Variants in RAB3C observed in about 807,000 individuals in gnomAD.
The protein encoded by RAB3C is RAB3C, member RAS oncogene family, also known as ras-related protein Rab-3C.
In RAB3C, 17 loss-of-function variants were observed where a neutral mutation model predicts 26.4. The observed-to-expected ratio is 0.64, with a 90% CI of 0.44 to 0.97. The LOEUF is 0.97. Ranked by LOEUF, RAB3C falls within the 50% of genes least tolerant of loss-of-function variation. RAB3C has a pLI of 0.00. For missense variants in RAB3C, 242 were observed against 281.9 expected (o/e 0.86, Z 1.01); for synonymous variants, 91 against 95.9 (o/e 0.95, Z 0.30).
intron 1 of RAB3C, among the ~76,000 whole-genome samples, chr5:58,603,011 A>G (rs919264683): frequency 3.9e-5 from 6 of 152,156 alleles, no homozygotes; most frequent in Non-Finnish European, 8.8e-5. Flanking sequence ...TGGCTTGGTA[A>G]CGGTGAATTC....
intron 3 of RAB3C, among the ~76,000 whole-genome samples, chr5:58,749,036 C>A (rs1426073949): frequency 6.6e-6 from 1 of 152,028 alleles, no homozygotes; most frequent in Non-Finnish European, 1.5e-5. Flanking sequence ...TAGAATCACC[C>A]CTGAAAAGAG....
intron 3 of RAB3C, among the ~76,000 whole-genome samples, chr5:58,812,853 T>C (rs559771776): frequency 6.6e-6 from 1 of 152,322 alleles, no homozygotes; most frequent in South Asian, 2.1e-4. Context: ...TGAAAACTCT[T>C]CCATGAACAT....
intron 1 of RAB3C, among the ~76,000 whole-genome samples, chr5:58,592,416 A>G (rs1382183531): frequency 2.0e-5 from 3 of 152,148 alleles, no homozygotes; most frequent in Non-Finnish European, 2.9e-5. Flanking sequence ...TAAATCTCCA[A>G]TAAAGTTTTA....
At chr5:58,593,279 C>G (rs1203069001) in intron 1 of RAB3C, among the ~76,000 whole-genome samples, 1 of 151,860 alleles carries the variant, frequency 6.6e-6, no homozygotes, top group Non-Finnish European at 1.5e-5. Flanking sequence ...AACTTGTTTC[C>G]AAGTGAAGAC....
chr5:58,661,862 A>G (rs756554345), intron 2 of RAB3C, among the ~76,000 whole-genome samples: 9 of 149,524 alleles, frequency 6.0e-5, no homozygotes, highest in African/African-American at 1.0e-4. Flanking sequence ...TAGAGAACGC[A>G]TGCAAAACAG....
At chr5:58,793,528 C>T (rs1018965935) in intron 3 of RAB3C, among the ~76,000 whole-genome samples, 2 of 141,832 alleles carry the variant, frequency 1.4e-5, no homozygotes, top group African/African-American at 5.1e-5. Context: ...CTGCACTCCA[C>T]CTCAAAAAAA....
intron 3 of RAB3C, among the ~76,000 whole-genome samples, chr5:58,735,222 T>C (rs1741107824): frequency 6.6e-6 from 1 of 152,158 alleles, no homozygotes; most frequent in South Asian, 2.1e-4. Flanking sequence ...CTAAATACAC[T>C]GTGAAAGGGC....
At chr5:58,697,552 G>A (rs537161987) in intron 2 of RAB3C, among the ~76,000 whole-genome samples, 1 of 152,248 alleles carries the variant, frequency 6.6e-6, no homozygotes, top group African/African-American at 2.4e-5. Flanking sequence ...TATTGTGTGG[G>A]AGTCTAAGTT....
At chr5:58,647,124 A>G (rs1427575229) in intron 2 of RAB3C, among the ~76,000 whole-genome samples, 1 of 152,234 alleles carries the variant, frequency 6.6e-6, no homozygotes. Context: ...AATTAAAAGT[A>G]AAGTCAGCTC....
chr5:58,776,584 T>C (rs1003024384), intron 3 of RAB3C, among the ~76,000 whole-genome samples: 2 of 152,186 alleles, frequency 1.3e-5, no homozygotes, highest in African/African-American at 2.4e-5. Flanking sequence ...TATTATTTTC[T>C]TCTTAATCTT....
chr5:58,765,874 C>G (rs10073241), intron 3 of RAB3C, among the ~76,000 whole-genome samples: 20,829 of 152,082 alleles, frequency 0.14, 1,522 homozygotes, highest in Non-Finnish European at 0.18. Flanking sequence ...CAGATTTCCT[C>G]TTGCTGTTCT....
chr5:58,674,507 G>A (rs1748183853), intron 2 of RAB3C, among the ~76,000 whole-genome samples: 1 of 152,182 alleles, frequency 6.6e-6, no homozygotes, highest in African/African-American at 2.4e-5. Context: ...GGCATATAAT[G>A]CCAAGAAATC....
chr5:58,766,520 C>T (rs1314282742), intron 3 of RAB3C, among the ~76,000 whole-genome samples: 1 of 152,134 alleles, frequency 6.6e-6, no homozygotes, highest in Non-Finnish European at 1.5e-5. Context: ...AAAGCTGCCT[C>T]GTAGCACCTG....
At chr5:58,645,162 A>T (rs1747490750) in intron 2 of RAB3C, among the ~76,000 whole-genome samples, 1 of 152,220 alleles carries the variant, frequency 6.6e-6, no homozygotes, top group Non-Finnish European at 1.5e-5. Context: ...ACATATTAGG[A>T]TCATTCAGGG....
At chr5:58,693,347 T>TATATAATATATATATATATATATATATAC (rs1554048079) in intron 2 of RAB3C, among the ~76,000 whole-genome samples, 1 of 137,852 alleles carries the variant, frequency 7.3e-6, no homozygotes, top group African/African-American at 3.0e-5. Flanking sequence ...TATATATATA[T>TATATAATATATATATATATATATATATAC]ATATATATAT....
rs1561261278 is a variant in RAB3C at position 58,597,788 on chromosome 5, GTAT to G, written c.24+14557_24+14559del. On this transcript the variant is annotated intron_variant, in intron 1 of 4. Coordinates refer to ENST00000282878, the MANE Select transcript of RAB3C (RefSeq NM_138453.4). ...ATAACATATAATACATTATATATAAGTATATAACATGTAATACATTATATATAA... is the reference window on the plus strand; with the variant it reads ...ATAACATATAATACATTATATATAAGATAACATGTAATACATTATATATAA... 9.6e-3 allele frequency among the ~76,000 whole-genome samples: 813 copies of G among 84,390 alleles called. 185 individuals are homozygous for G. Among genetic ancestry groups the G allele is most frequent in the African/African-American group, 0.037 (751 of 20,518 alleles). The allele number at this position is 84,390 out of a possible 152,430, so 55.4% of individuals were successfully genotyped here.
chr5:58,808,285 A>T (rs1379316041), intron 3 of RAB3C, among the ~76,000 whole-genome samples: 1 of 152,002 alleles, frequency 6.6e-6, no homozygotes, highest in Non-Finnish European at 1.5e-5. Flanking sequence ...ATGATTTGTG[A>T]AATGACAAAA....
At chr5:58,654,706 C>T (rs946701572) in intron 2 of RAB3C, among the ~76,000 whole-genome samples, 2 of 152,118 alleles carry the variant, frequency 1.3e-5, no homozygotes, top group African/African-American at 4.8e-5. Flanking sequence ...CTCTCTCTCT[C>T]TCCAATGTAT....
At chr5:58,690,698 A>G (rs1444867521) in intron 2 of RAB3C, among the ~76,000 whole-genome samples, 1 of 152,126 alleles carries the variant, frequency 6.6e-6, no homozygotes, top group Non-Finnish European at 1.5e-5. Flanking sequence ...TGAAACTGTC[A>G]GGTCTACTTT....
Sources: gnomAD v4.1 joint callset for allele counts (sites outside exome capture counted in the v4.1 genomes callset) on GRCh38, gnomAD v4.1.1 for gene constraint, MANE v1.5 for transcripts, NCBI Gene and HGNC (gene_info 2026-07-23, HGNC 2026-07-21) for gene names.